The following DNAH9 variants were observed in gnomAD, a reference collection of about 807,000 sequenced individuals.
The protein encoded by DNAH9 is DNAH9 variant protein.
Under a neutral mutation model 471.6 loss-of-function variants are expected in DNAH9, and 345 were observed. The ratio of observed to expected loss-of-function variants is 0.73; its 90% confidence interval spans 0.67 to 0.80. The LOEUF is 0.80. DNAH9 is among the 30% of genes least tolerant of loss of function. DNAH9 has a pLI of 0.00. For missense variants in DNAH9, 5,407 were observed against 5,609.2 expected, an observed-to-expected ratio of 0.96 and a Z score of 1.15; for synonymous variants, 2,093 against 2,123.6, an observed-to-expected ratio of 0.99 and a Z score of 0.40.
chr17:11,953,580 G>C (rs752815014), intron 67 of DNAH9, among the ~76,000 whole-genome samples: 7 of 152,124 alleles, frequency 4.6e-5, no homozygotes, highest in South Asian at 2.1e-4. Flanking sequence ...GGGAGGCTGA[G>C]GCGGGCGGAT....
Position 11,738,933 on chromosome 17 carries a change from T to C in DNAH9, c.5868T>C (p.Leu1956=), listed in dbSNP as rs1271569665. 3 of 1,614,130 alleles carry C rather than the reference T, an allele frequency of 1.9e-6. No homozygotes were observed. Among genetic ancestry groups the C allele is most frequent in the East Asian group, 4.5e-5 (2 of 44,878 alleles). ...ATAAGAAGCAGTGGTTCAGCTTCCTTGGGGAGGAGATCAGCCTGAATCCTT... is the reference window on the plus strand; with the variant it reads ...ATAAGAAGCAGTGGTTCAGCTTCCTCGGGGAGGAGATCAGCCTGAATCCTT... The part of the protein sequence containing the change: ...IRDKKQWFSF[L]GEEISLNPSV... The change falls in exon 29 of 69, where the codon CTT becomes CTC. Residue 1956 remains leucine, a synonymous_variant. Transcript: ENST00000262442.
chr17:11,686,166 G>A (rs1442798592), intron 19 of DNAH9, among the ~76,000 whole-genome samples: 1 of 152,040 alleles, frequency 6.6e-6, no homozygotes, highest in Non-Finnish European at 1.5e-5. Flanking sequence ...GATACAGACG[G>A]TACTGAGATT....
At chr17:11,796,287 T>G (rs1267695412) in intron 42 of DNAH9, among the ~76,000 whole-genome samples, 1 of 152,260 alleles carries the variant, frequency 6.6e-6, no homozygotes, top group African/African-American at 2.4e-5. Context: ...TCCTCATGTG[T>G]TTTCCTAATA....
At chr17:11,880,503 A>G (rs1327207542) in intron 54 of DNAH9, among the ~76,000 whole-genome samples, 2 of 152,136 alleles carry the variant, frequency 1.3e-5, no homozygotes, top group Non-Finnish European at 2.9e-5. Context: ...AAGCAGACTG[A>G]CTTTTAAGTA....
chr17:11,654,912 ACC>A (rs1237600483), intron 14 of DNAH9, among the ~76,000 whole-genome samples: 1 of 152,148 alleles, frequency 6.6e-6, no homozygotes, highest in Non-Finnish European at 1.5e-5. Context: ...ATATTACACA[ACC>A]TCCAGGGTAG....
chr17:11,713,015 A>G (rs2074900043), intron 26 of DNAH9, among the ~76,000 whole-genome samples: 1 of 152,100 alleles, frequency 6.6e-6, no homozygotes, highest in South Asian at 2.1e-4. Context: ...TATTAAGTCC[A>G]GTGCCCATTA....
chr17:11,887,056 TC>T, intron 57 of DNAH9, 91 bp downstream of exon 57: 1 of 1,464,522 alleles, frequency 6.8e-7, no homozygotes, highest in Non-Finnish European at 9.1e-7. Flanking sequence ...CCATGTAAGA[TC>T]ATTAGCTATG....
intron 44 of DNAH9, among the ~76,000 whole-genome samples, chr17:11,809,013 A>G (rs1969791640): frequency 6.6e-6 from 1 of 152,186 alleles, no homozygotes; most frequent in Non-Finnish European, 1.5e-5. Context: ...AGTTGTTAGA[A>G]ATAGCTGTGA....
chr17:11,737,277 G>A (rs1001600844), intron 28 of DNAH9, among the ~76,000 whole-genome samples: 3 of 152,222 alleles, frequency 2.0e-5, no homozygotes, highest in African/African-American at 7.2e-5. Flanking sequence ...CAGGCAAACT[G>A]TGTACTCTGG....
intron 17 of DNAH9, among the ~76,000 whole-genome samples, chr17:11,674,391 G>T (rs1257683244): frequency 6.6e-6 from 1 of 152,128 alleles, no homozygotes; most frequent in Non-Finnish European, 1.5e-5. Flanking sequence ...TGGCCACTCT[G>T]GTGGGAGTGT....
intron 62 of DNAH9, among the ~76,000 whole-genome samples, chr17:11,928,726 G>A (rs1458045908): frequency 6.6e-6 from 1 of 152,222 alleles, no homozygotes; most frequent in Non-Finnish European, 1.5e-5. Flanking sequence ...GATAAGTTTG[G>A]CAACAATTAA....
intron 68 of DNAH9, among the ~76,000 whole-genome samples, chr17:11,966,076 G>T (rs1976690850): frequency 6.6e-6 from 1 of 152,130 alleles, no homozygotes; most frequent in Non-Finnish European, 1.5e-5. Flanking sequence ...GCCCAAATTT[G>T]AAGAAAAACA....
chr17:11,647,077 A>G lies in DNAH9; in HGVS notation c.1976A>G (p.Glu659Gly). The G allele has an allele frequency of 6.2e-7, 1 of 1,613,874 alleles. No homozygotes were observed. The highest frequency in any genetic ancestry group is 8.5e-7 in the Non-Finnish European group (1 of 1,179,872). Reference protein sequence around the residue: ...EDMLSLLEKYETRLYEDWCRT... With the variant: ...EDMLSLLEKYGTRLYEDWCRT... ...GTTGTCTCTGACCCTTGCAGGTATG[A>G]GACAAGACTTTATGAGGATTGGTGC... The change falls in exon 12 of 69, where the codon GAG (glutamate) becomes GGG (glycine). Residue 659 changes from glutamate to glycine, a missense_variant. Transcript: ENST00000262442.
intron 51 of DNAH9, among the ~76,000 whole-genome samples, chr17:11,870,011 C>T (rs1054009647): frequency 6.6e-6 from 1 of 152,086 alleles, no homozygotes; most frequent in African/African-American, 2.4e-5. Context: ...AGGGAGGGTG[C>T]AGCTGGTCCT....
intron 9 of DNAH9, among the ~76,000 whole-genome samples, chr17:11,637,550 C>T (rs983698193): frequency 1.3e-5 from 2 of 151,992 alleles, no homozygotes; most frequent in Non-Finnish European, 2.9e-5. Context: ...GGAGCTATGA[C>T]CCTGCCACTG....
At chr17:11,701,793 C>A (rs926500137) in intron 24 of DNAH9, among the ~76,000 whole-genome samples, 7 of 152,212 alleles carry the variant, frequency 4.6e-5, no homozygotes, top group African/African-American at 1.7e-4. Context: ...ACTCTCCTGC[C>A]TCAGCCTCCC....
intron 43 of DNAH9, 141 bp downstream of exon 43, chr17:11,797,934 G>A: frequency 2.5e-6 from 2 of 812,876 alleles, no homozygotes; most frequent in Admixed American, 2.8e-5. Context: ...ATGGCTGCTG[G>A]CAGAGCAGCT....
In DNAH9 at chr17:11,747,822, C is replaced by T. The variant is rs3744582; in HGVS notation, c.6610+56C>T. The T allele has an allele frequency of 0.093, 139,283 of 1,500,296 alleles. 7,174 individuals carry two copies. Among genetic ancestry groups the T allele is most frequent in the Middle Eastern group, 0.14 (782 of 5,782 alleles). 92.9% of individuals were successfully genotyped at this position (1,500,296 alleles called of 1,614,324 possible). ...TCTGCTAGCCTCAGAGTCCCTGTGG[C>T]GGGCTTGGATGCAGTTGGGTGAATT... On this transcript the variant is annotated intron_variant, in intron 32 of 68. Transcript: ENST00000262442.
chr17:11,723,041 C>T (rs1233469442), intron 27 of DNAH9: 1 of 152,328 alleles, frequency 6.6e-6, no homozygotes, highest in Non-Finnish European at 1.5e-5. Context: ...TCTCCTGGCT[C>T]CTCGGTCTCA....
Sources: allele counts gnomAD v4.1 joint callset (sites outside exome capture counted in the v4.1 genomes callset), GRCh38; gene constraint gnomAD v4.1.1; transcripts MANE v1.5; gene names NCBI Gene and HGNC (gene_info 2026-07-23, HGNC 2026-07-21).